APAF1: variants seen among roughly 807,000 people sequenced by gnomAD.
The protein encoded by APAF1 is apoptotic peptidase activating factor 1, also known as apoptotic protease-activating factor 1.
In APAF1, 91 loss-of-function variants were observed where a neutral mutation model predicts 152.4. The observed-to-expected ratio is 0.60, with a 90% CI of 0.50 to 0.71. APAF1 has a LOEUF of 0.71. Among genes scored for constraint, APAF1 ranks in the 30% least tolerant of loss-of-function variants. The pLI, the probability that APAF1 is intolerant of heterozygous loss-of-function variation, is 0.00. For synonymous variants in APAF1, 484 were observed against 494.1 expected (o/e 0.98, Z 0.27); for missense variants, 1,283 against 1,472.0 (o/e 0.87, Z 2.10).
chr12:98,725,938 A>G (rs1294821246), intron 25 of APAF1, among the ~76,000 whole-genome samples: 1 of 152,202 alleles, frequency 6.6e-6, no homozygotes, highest in African/African-American at 2.4e-5. Flanking sequence ...CTGTGCTGAA[A>G]GAAAAGATCT....
chr12:98,652,375 C>G (rs1246589925), intron 4 of APAF1, among the ~76,000 whole-genome samples: 1 of 152,152 alleles, frequency 6.6e-6, no homozygotes, highest in Non-Finnish European at 1.5e-5. Flanking sequence ...TGGTATGATC[C>G]AGCTTTGTAA....
At position 98,707,986 on chromosome 12, in the gene APAF1, G is replaced by A. The variant is rs1270214891; in HGVS notation, c.2722-599G>A. On this transcript the variant is annotated intron_variant, in intron 19 of 26. Coordinates refer to ENST00000551964, the MANE Select transcript of APAF1 (RefSeq NM_181861.2). ...TTTTGAGACGGAGTCTCGCTCTGTC[G>A]CCCAGGCTGGAGTGCAATGGCACTA... is the stretch of plus-strand genomic sequence containing the variant. 3.3e-5 allele frequency among the ~76,000 whole-genome samples: 5 copies of A among 152,034 alleles called. No individual in the cohort carries two copies. In the South Asian group the frequency reaches 6.2e-4, roughly 19 times the overall value.
intron 14 of APAF1, among the ~76,000 whole-genome samples, chr12:98,681,297 A>AGTGATCC (rs929466850): frequency 1.3e-5 from 2 of 152,144 alleles, no homozygotes; most frequent in African/African-American, 4.8e-5. Flanking sequence ...TCTGGCCTCA[A>AGTGATCC]GTGATCCGCC....
At chr12:98,703,531 G>A (rs1182302751) in intron 18 of APAF1, 32 bp downstream of exon 18, 2 of 1,613,520 alleles carry the variant, frequency 1.2e-6, no homozygotes, top group African/African-American at 1.3e-5. Context: ...GTGAAGCCTG[G>A]GTTTCCAGAG....
intron 22 of APAF1, among the ~76,000 whole-genome samples, chr12:98,721,397 C>T (rs907270560): frequency 4.3e-4 from 66 of 152,200 alleles, no homozygotes; most frequent in African/African-American, 1.6e-3. Flanking sequence ...TGTCTGTAAA[C>T]TAGGAGGAGC....
At chr12:98,679,610 C>T (rs2097690217) in intron 13 of APAF1, among the ~76,000 whole-genome samples, 1 of 152,226 alleles carries the variant, frequency 6.6e-6, no homozygotes, top group Non-Finnish European at 1.5e-5. Flanking sequence ...AGCTGCGGCC[C>T]TTCGGGGAGC....
In APAF1 at chr12:98,725,505, C is replaced by T. The variant is rs1209056267; in HGVS notation, c.3421C>T (p.Leu1141=). ...CTCTGCCTTCTCTGTGGACAGTACC[C>T]TGCTGGCAACGGGAGATGACAATGG... ...RCSAFSVDST[L]LATGDDNGEI... is the part of the protein sequence containing the mutation. Residue 1141 remains leucine, a synonymous_variant, in exon 25 of 27, where the codon CTG becomes TTG. Transcript: ENST00000551964. 2 of 1,614,162 alleles carry T rather than the reference C, an allele frequency of 1.2e-6. No homozygotes were observed. The highest frequency in any genetic ancestry group is 1.1e-5 in the South Asian group (1 of 91,076).
chr12:98,665,744 T>A lies in APAF1; in HGVS notation c.1147T>A (p.Tyr383Asn). 1 of 1,614,114 alleles carries A rather than the reference T, an allele frequency of 6.2e-7. No individual in the cohort carries two copies. Among genetic ancestry groups the A allele is most frequent in the Non-Finnish European group, 8.5e-7 (1 of 1,179,980 alleles). Residue 383 changes from tyrosine to asparagine, a missense_variant, in exon 8 of 27, where the codon TAC becomes AAC. Tyr to Asn is a moderately radical substitution (Grantham distance 143). Coordinates refer to ENST00000551964, the MANE Select transcript of APAF1 (RefSeq NM_181861.2). ...GCTCAGAGAAGACATCAAAGATTATTACACAGATCTTTCCATCCTTCAGAA... is the reference window on the plus strand; with the variant it reads ...GCTCAGAGAAGACATCAAAGATTATAACACAGATCTTTCCATCCTTCAGAA... ...EMLREDIKDY[Y>N]TDLSILQKDV...
intron 4 of APAF1, among the ~76,000 whole-genome samples, chr12:98,657,282 T>G (rs1243190061): frequency 1.3e-5 from 2 of 152,252 alleles, no homozygotes; most frequent in Admixed American, 1.3e-4. Context: ...CTCCTAGACT[T>G]CAGCCATCAT....
chr12:98,682,000 A>G lies in APAF1; in HGVS notation c.2047-1143A>G, dbSNP rs557992597. On this transcript the variant is annotated intron_variant, in intron 14 of 26. Coordinates refer to ENST00000551964, the MANE Select transcript of APAF1 (RefSeq NM_181861.2). ...TTTCTTTTGTTTGTTGTTATATGGC[A>G]TAGACTGCTTAGTTGTCTTACATAG... is the stretch of plus-strand genomic sequence containing the variant. Among the ~76,000 whole-genome samples, 111 of 151,408 alleles carry G rather than the reference A, an allele frequency of 7.3e-4. 1 individual carries two copies. Among genetic ancestry groups the G allele is most frequent in the Non-Finnish European group, 1.3e-3 (91 of 67,886 alleles).
intron 16 of APAF1, among the ~76,000 whole-genome samples, chr12:98,691,614 C>G (rs12816300): frequency 6.6e-6 from 1 of 152,038 alleles, no homozygotes; most frequent in Non-Finnish European, 1.5e-5. Flanking sequence ...TTTTTGTAGT[C>G]TAAGGCCCTC....
At chr12:98,680,507 G>A in intron 14 of APAF1, 105 bp downstream of exon 14, 2 of 1,088,802 alleles carry the variant, frequency 1.8e-6, no homozygotes, top group Non-Finnish European at 2.7e-6. Context: ...CTCACCTGTT[G>A]ATCTACTAAC....
At chr12:98,700,488 TGTAC>T (rs1367538671) in intron 17 of APAF1, among the ~76,000 whole-genome samples, 2 of 152,226 alleles carry the variant, frequency 1.3e-5, no homozygotes, top group Non-Finnish European at 2.9e-5. Context: ...CTTATGAGTT[TGTAC>T]CCCTTTAGCA....
rs748521309 is a variant in APAF1, at chr12:98,648,653, C to T, written c.166C>T (p.Leu56=). The T allele has an allele frequency of 1.2e-6, 2 of 1,613,630 alleles. No individual in the cohort carries two copies. Among genetic ancestry groups the T allele is most frequent in the Non-Finnish European group, 1.7e-6 (2 of 1,179,936 alleles). Residue 56 remains leucine (L), a synonymous_variant, in exon 3 of 27, where the codon CTG becomes TTG. Coordinates refer to ENST00000551964, the MANE Select transcript of APAF1 (RefSeq NM_181861.2). ...EPTQQQRAAM[L]IKMILKKDND... The stretch of plus-strand genomic sequence containing the variant: ...CACTCAACAGCAAAGAGCAGCTATG[C>T]TGATTAAAATGATACTTAAAAAAGA...
At chr12:98,651,747 A>G (rs1441245296) in intron 4 of APAF1, among the ~76,000 whole-genome samples, 1 of 151,980 alleles carries the variant, frequency 6.6e-6, no homozygotes, top group Non-Finnish European at 1.5e-5. Context: ...GCAGCCTCAA[A>G]CTTTTAGGCT....
At chr12:98,663,540 T>A (rs1305366099) in intron 7 of APAF1, among the ~76,000 whole-genome samples, 1 of 152,168 alleles carries the variant, frequency 6.6e-6, no homozygotes, top group Non-Finnish European at 1.5e-5. Flanking sequence ...GTGTACCTTT[T>A]ATTTGTTGTA....
At chr12:98,648,115 A>G (rs971317163) in intron 1 of APAF1, among the ~76,000 whole-genome samples, 1 of 152,146 alleles carries the variant, frequency 6.6e-6, no homozygotes, top group Admixed American at 6.5e-5. Context: ...GAAAAATTGC[A>G]TTCATTTTCT....
At chr12:98,699,928 C>CT (rs1047477721) in intron 17 of APAF1, among the ~76,000 whole-genome samples, 1 of 152,008 alleles carries the variant, frequency 6.6e-6, no homozygotes, top group African/African-American at 2.4e-5. Flanking sequence ...TTCATCACTC[C>CT]TTTTTTTTCT....
rs1293627963 is a variant in APAF1, at chr12:98,733,779, A to G, written c.*1213A>G. 1.3e-5 allele frequency: 2 copies of G among 152,218 alleles called. No individual in the cohort carries two copies. The highest frequency in any genetic ancestry group is 4.8e-5 in the African/African-American group (2 of 41,438). The allele number at this position is 152,218 out of a possible 1,614,324, so 9.4% of individuals were successfully genotyped here. A position where few individuals can be genotyped will look rare whatever the true frequency, so the allele number is the denominator to read the frequency against. ...GTAAAACTTGTATGTTGGAAAGAGT[A>G]GATTTTATTGGTCTACCCTTTTCTC... On this transcript the variant is annotated 3_prime_UTR_variant, in exon 27 of 27. Coordinates refer to ENST00000551964, the MANE Select transcript of APAF1 (RefSeq NM_181861.2).
Sources: allele counts gnomAD v4.1 joint callset (sites outside exome capture counted in the v4.1 genomes callset), GRCh38; gene constraint gnomAD v4.1.1; transcripts MANE v1.5; gene names NCBI Gene and HGNC (gene_info 2026-07-23, HGNC 2026-07-21).